WWOX: variants seen among roughly 807,000 people sequenced by gnomAD.
The protein encoded by WWOX is WW domain containing oxidoreductase.
Under a neutral mutation model 46.2 loss-of-function variants are expected in WWOX, and 69 were observed. The ratio of observed to expected loss-of-function variants is 1.49; its 90% CI spans 1.23 to 1.82. The LOEUF (loss-of-function observed/expected upper bound fraction) is 1.82, where lower values mean the gene tolerates loss of function less well. Among genes scored for constraint, WWOX ranks in the 40% most tolerant of loss-of-function variants. The pLI, the probability that WWOX is intolerant of heterozygous loss-of-function variation, is 0.00. For synonymous variants in WWOX, 359 were observed against 202.6 expected (o/e 1.77, Z -6.56); for missense variants, 919 against 542.6 (o/e 1.69, Z -6.89).
At chr16:79,157,694 G>T (rs1483774137) in intron 8 of WWOX, among the ~76,000 whole-genome samples, 2 of 152,246 alleles carry the variant, frequency 1.3e-5, no homozygotes, top group Non-Finnish European at 2.9e-5. Context: ...TGTGAGAGTT[G>T]TGATGATTGT....
chr16:78,571,052 A>T (rs552416301), intron 8 of WWOX, among the ~76,000 whole-genome samples: 5 of 152,172 alleles, frequency 3.3e-5, no homozygotes, highest in Non-Finnish European at 7.3e-5. Flanking sequence ...TAAATTTAGA[A>T]TTGAGGTTTG....
rs17723456 is a variant in WWOX, at chr16:79,209,476, C to T, written c.1057-2132C>T. On this transcript the variant is annotated intron_variant, in intron 8 of 8. Coordinates refer to ENST00000566780, the MANE Select transcript of WWOX (RefSeq NM_016373.4). ...ACAGTGAAAGGCCAGTCTGTCATGA[C>T]GTTTGAATGCTGAATAGTATAACCA... 6.0e-3 allele frequency among the ~76,000 whole-genome samples: 919 copies of T among 152,284 alleles called. 42 individuals are homozygous for T. The East Asian group carries it at 0.099, about 16-fold the overall frequency.
chr16:79,093,561 C>G (rs979490322), intron 8 of WWOX, among the ~76,000 whole-genome samples: 7 of 152,154 alleles, frequency 4.6e-5, no homozygotes, highest in Admixed American at 1.3e-4. Context: ...CCACCCGCAG[C>G]AGGCAGTGGG....
chr16:78,377,699 T>C (rs72796054), intron 5 of WWOX, among the ~76,000 whole-genome samples: 8,101 of 152,316 alleles, frequency 0.053, 284 homozygotes, highest in East Asian at 0.12. Context: ...TTTCGCTCTC[T>C]TATTAGTTTC....
intron 8 of WWOX, among the ~76,000 whole-genome samples, chr16:79,042,510 A>G (rs867458056): frequency 6.6e-6 from 1 of 152,164 alleles, no homozygotes; most frequent in African/African-American, 2.4e-5. Flanking sequence ...GATAAAAATC[A>G]TAATGTCTCA....
chr16:79,073,847 A>AT (rs2048598134), intron 8 of WWOX, among the ~76,000 whole-genome samples: 1 of 152,188 alleles, frequency 6.6e-6, no homozygotes, highest in Non-Finnish European at 1.5e-5. Flanking sequence ...ATTTGTCAAA[A>AT]TTAAGCTTAT....
intron 8 of WWOX, among the ~76,000 whole-genome samples, chr16:78,655,520 A>G (rs1192312550): frequency 2.0e-5 from 3 of 152,188 alleles, no homozygotes; most frequent in African/African-American, 2.4e-5. Context: ...TTGACAGGAA[A>G]TAAACATTAA....
At chr16:78,401,553 A>G (rs901204543) in intron 6 of WWOX, among the ~76,000 whole-genome samples, 2 of 152,140 alleles carry the variant, frequency 1.3e-5, no homozygotes, top group African/African-American at 4.8e-5. Flanking sequence ...TAGGGGAAAG[A>G]GTCTGGAGAG....
intron 8 of WWOX, among the ~76,000 whole-genome samples, chr16:79,172,893 C>T (rs948269073): frequency 1.6e-4 from 24 of 150,400 alleles, no homozygotes; most frequent in South Asian, 6.3e-4. Context: ...TAGTGGTGTG[C>T]GCCTGTAGTC....
intron 8 of WWOX, among the ~76,000 whole-genome samples, chr16:78,860,085 C>G (rs2151190635): frequency 6.6e-6 from 1 of 152,240 alleles, no homozygotes; most frequent in Non-Finnish European, 1.5e-5. Flanking sequence ...TAGCATTATG[C>G]ACAAACACAT....
At chr16:78,886,803 G>A (rs982464899) in intron 8 of WWOX, among the ~76,000 whole-genome samples, 2 of 152,100 alleles carry the variant, frequency 1.3e-5, no homozygotes, top group Non-Finnish European at 2.9e-5. Flanking sequence ...TGCAACAGCT[G>A]TATGGTAAAA....
At chr16:78,606,718 G>GTTTTTTTTTTTTTTTTTTTTTTTTTTTT (rs59612285) in intron 8 of WWOX, among the ~76,000 whole-genome samples, 1 of 121,078 alleles carries the variant, frequency 8.3e-6, no homozygotes. Context: ...CAGAATTGCA[G>GTTTTTTTTTTTTTTTTTTTTTTTTTTTT]TTTTTTTTTT....
At chr16:78,750,509 C>T (rs928834245) in intron 8 of WWOX, among the ~76,000 whole-genome samples, 8 of 151,900 alleles carry the variant, frequency 5.3e-5, no homozygotes, top group South Asian at 2.1e-4. Flanking sequence ...GTTTCAGTTT[C>T]GGGGGGTACA....
intron 8 of WWOX, among the ~76,000 whole-genome samples, chr16:78,698,022 G>A (rs1172102926): frequency 1.3e-5 from 2 of 152,186 alleles, no homozygotes; most frequent in South Asian, 2.1e-4. Context: ...GATATACTAT[G>A]TGTTTCAAAG....
intron 6 of WWOX, among the ~76,000 whole-genome samples, chr16:78,410,805 CAA>C (rs61207788): frequency 0.22 from 16,247 of 74,594 alleles, 1,578 homozygotes; most frequent in African/African-American, 0.37. Context: ...GGCCCCACCT[CAA>C]AAAAAAAAAA....
intron 8 of WWOX, among the ~76,000 whole-genome samples, chr16:79,107,311 C>G (rs1481185310): frequency 6.6e-6 from 1 of 151,960 alleles, no homozygotes; most frequent in East Asian, 1.9e-4. Context: ...TGGTCTTCAA[C>G]TCCTGAGCTC....
rs74691924 is a variant in WWOX, at chr16:78,289,509, C to T, written c.517-97351C>T. ...CTCTACAGTGACTTGGTCTGAGAAA[C>T]CCTGTAACTTGGATCCAGCCAGGGA... is the stretch of plus-strand genomic sequence containing the variant. On this transcript the variant is annotated intron_variant, in intron 5 of 8. Transcript: ENST00000566780. Among the ~76,000 whole-genome samples the T allele has an allele frequency of 6.1e-3, 925 of 152,232 alleles. 21 individuals carry two copies. The East Asian group carries it at 0.074, about 12-fold the overall frequency.
At chr16:78,110,834 A>G (rs1467781790) in intron 3 of WWOX, among the ~76,000 whole-genome samples, 1 of 152,200 alleles carries the variant, frequency 6.6e-6, no homozygotes, top group African/African-American at 2.4e-5. Context: ...CACAGCAAAG[A>G]AGTAGCACAG....
At chr16:78,450,101 T>C (rs1170411054) in intron 8 of WWOX, among the ~76,000 whole-genome samples, 1 of 152,200 alleles carries the variant, frequency 6.6e-6, no homozygotes, top group African/African-American at 2.4e-5. Context: ...TACTAAAGTA[T>C]AGTTTTCATG....
Sources: allele counts gnomAD v4.1 joint callset (sites outside exome capture counted in the v4.1 genomes callset), GRCh38; gene constraint gnomAD v4.1.1; transcripts MANE v1.5; gene names NCBI Gene and HGNC (gene_info 2026-07-23, HGNC 2026-07-21).